IMMP2L: variants seen among roughly 807,000 people sequenced by gnomAD.
IMMP2L encodes mitochondrial inner membrane protease subunit 2.
In IMMP2L, 18 loss-of-function variants were observed where a neutral mutation model predicts 19.3. The observed-to-expected ratio is 0.93, with a 90% CI of 0.64 to 1.38. The LOEUF (loss-of-function observed/expected upper bound fraction) is 1.38, where lower values mean the gene tolerates loss of function less well. IMMP2L is among the 40% of genes most tolerant of loss of function. IMMP2L has a pLI of 0.00. For synonymous variants in IMMP2L, 76 were observed against 73.0 expected (o/e 1.04, Z -0.21); for missense variants, 233 against 218.2 (o/e 1.07, Z -0.43).
intron 5 of IMMP2L, among the ~76,000 whole-genome samples, chr7:110,822,993 G>A (rs1803168393): frequency 6.6e-6 from 1 of 152,042 alleles, no homozygotes; most frequent in Non-Finnish European, 1.5e-5. Flanking sequence ...ATGAGGCCGT[G>A]TGTTGTTTGG....
At chr7:111,497,905 A>G (rs1208564964) in intron 2 of IMMP2L, among the ~76,000 whole-genome samples, 1 of 151,614 alleles carries the variant, frequency 6.6e-6, no homozygotes, top group Non-Finnish European at 1.5e-5. Context: ...GTATTATATA[A>G]TAATATATTT....
intron 3 of IMMP2L, among the ~76,000 whole-genome samples, chr7:111,094,750 T>C (rs971110148): frequency 1.3e-5 from 2 of 152,134 alleles, no homozygotes; most frequent in African/African-American, 4.8e-5. Flanking sequence ...ACGAAGTCAC[T>C]AGTAAAACAT....
intron 3 of IMMP2L, among the ~76,000 whole-genome samples, chr7:111,459,043 G>A (rs1033580605): frequency 1.3e-5 from 2 of 152,044 alleles, no homozygotes; most frequent in African/African-American, 4.8e-5. Flanking sequence ...GTCACCACAG[G>A]ATGCTAAAAT....
chr7:110,671,407 T>G (rs893215078), intron 5 of IMMP2L, among the ~76,000 whole-genome samples: 1 of 152,248 alleles, frequency 6.6e-6, no homozygotes, highest in Non-Finnish European at 1.5e-5. Flanking sequence ...TTGTATTCAC[T>G]ACTTGAATAT....
intron 3 of IMMP2L, among the ~76,000 whole-genome samples, chr7:111,127,022 T>C (rs1172856262): frequency 1.3e-5 from 2 of 152,184 alleles, no homozygotes; most frequent in Admixed American, 1.3e-4. Flanking sequence ...TTTTTGACAA[T>C]GTGGAAGGCA....
chr7:111,315,400 C>T (rs1452446570), intron 3 of IMMP2L, among the ~76,000 whole-genome samples: 1 of 151,652 alleles, frequency 6.6e-6, no homozygotes, highest in African/African-American at 2.4e-5. Flanking sequence ...CCTTCAGTAG[C>T]CTATGAGTCC....
chr7:110,762,254 T>TC (rs1798394127), intron 5 of IMMP2L, among the ~76,000 whole-genome samples: 2 of 151,992 alleles, frequency 1.3e-5, no homozygotes, highest in South Asian at 4.2e-4. Flanking sequence ...TTTTTTTTTT[T>TC]CCCCATCGGC....
chr7:111,038,363 TA>T (rs1791556700), intron 3 of IMMP2L, among the ~76,000 whole-genome samples: 1 of 152,174 alleles, frequency 6.6e-6, no homozygotes, highest in Non-Finnish European at 1.5e-5. Flanking sequence ...CCTACTTAGT[TA>T]CTGTTGAGGA....
intron 3 of IMMP2L, among the ~76,000 whole-genome samples, chr7:111,237,507 T>C (rs1814475766): frequency 6.6e-6 from 1 of 152,014 alleles, no homozygotes; most frequent in African/African-American, 2.4e-5. Flanking sequence ...ATAAACTATA[T>C]ATTACCTTGT....
intron 2 of IMMP2L, among the ~76,000 whole-genome samples, chr7:111,519,607 C>G (rs1424193864): frequency 1.3e-5 from 2 of 152,062 alleles, no homozygotes; most frequent in South Asian, 2.1e-4. Context: ...TGGGGATAAG[C>G]CTTGTCCTTT....
chr7:110,979,904 T>C (rs1179390722), intron 3 of IMMP2L, among the ~76,000 whole-genome samples: 6 of 152,118 alleles, frequency 3.9e-5, no homozygotes, highest in Non-Finnish European at 8.8e-5. Flanking sequence ...TTTTACACTT[T>C]AAAAATGTAA....
chr7:111,074,420 CCTT>C (rs1795217601), intron 3 of IMMP2L, among the ~76,000 whole-genome samples: 2 of 152,146 alleles, frequency 1.3e-5, no homozygotes, highest in Admixed American at 1.3e-4. Context: ...GCTGAAAAAG[CCTT>C]CTTTCTTAAG....
intron 3 of IMMP2L, among the ~76,000 whole-genome samples, chr7:111,220,524 T>G (rs1812395202): frequency 6.6e-6 from 1 of 151,964 alleles, no homozygotes; most frequent in Non-Finnish European, 1.5e-5. Context: ...AAATTAAATA[T>G]TCATTTGAGA....
At chr7:111,172,847 T>A (rs180732859) in intron 3 of IMMP2L, among the ~76,000 whole-genome samples, 1 of 151,632 alleles carries the variant, frequency 6.6e-6, no homozygotes. Context: ...AAAGGCAACC[T>A]ACCATTAAAT....
intron 4 of IMMP2L, among the ~76,000 whole-genome samples, chr7:110,889,604 G>A (rs1223751392): frequency 6.6e-6 from 1 of 152,166 alleles, no homozygotes; most frequent in Non-Finnish European, 1.5e-5. Context: ...TTCCTAACAG[G>A]CCACAGACCA....
At chr7:110,707,003 A>ATTTT (rs1562929694) in intron 5 of IMMP2L, among the ~76,000 whole-genome samples, 2 of 21,894 alleles carry the variant, frequency 9.1e-5, no homozygotes, top group East Asian at 1.1e-3. Context: ...TTTTTTTTTT[A>ATTTT]ATTTTTTTTT....
At chr7:111,070,331 G>C (rs1175300113) in intron 3 of IMMP2L, among the ~76,000 whole-genome samples, 3 of 152,166 alleles carry the variant, frequency 2.0e-5, no homozygotes, top group Non-Finnish European at 4.4e-5. Context: ...AACGTTTAAA[G>C]TAGCATACTG....
chr7:111,207,493 T>G (rs924535515), intron 3 of IMMP2L, among the ~76,000 whole-genome samples: 1 of 151,558 alleles, frequency 6.6e-6, no homozygotes, highest in Non-Finnish European at 1.5e-5. Context: ...CTAGCAAAGA[T>G]AGAGGCTTGC....
intron 3 of IMMP2L, among the ~76,000 whole-genome samples, chr7:111,386,497 C>G (rs111497809): frequency 2.6e-5 from 4 of 152,088 alleles, no homozygotes; most frequent in African/African-American, 9.6e-5. Flanking sequence ...TCTAAGCATG[C>G]CAGCTACTCA....
Sources: allele counts gnomAD v4.1 joint callset (sites outside exome capture counted in the v4.1 genomes callset), GRCh38; gene constraint gnomAD v4.1.1; transcripts MANE v1.5; gene names NCBI Gene and HGNC (gene_info 2026-07-23, HGNC 2026-07-21).